The following FRMD4B variants were observed in gnomAD, a reference collection of about 807,000 sequenced individuals.
The protein encoded by FRMD4B is FERM domain-containing protein 4B.
In FRMD4B, 74 loss-of-function variants were observed where a neutral mutation model predicts 141.5. That is an observed-to-expected ratio of 0.52 (90% CI 0.43 to 0.63). The LOEUF (loss-of-function observed/expected upper bound fraction) is 0.63, where lower values mean the gene tolerates loss of function less well. FRMD4B is among the 30% of genes least tolerant of loss of function. The probability of loss-of-function intolerance (pLI) is 0.00; values close to 1 mark genes in which losing one functional copy is unlikely to be tolerated. For synonymous variants in FRMD4B, 506 were observed against 467.9 expected, an observed-to-expected ratio of 1.08 and a Z score of -1.05; for missense variants, 1,366 against 1,253.4, an observed-to-expected ratio of 1.09 and a Z score of -1.36.
Position 69,193,735 on chromosome 3 carries a change from T to C in FRMD4B, c.1627A>G (p.Lys543Glu). 1 of 1,613,844 alleles carries C rather than the reference T, an allele frequency of 6.2e-7. No homozygotes were observed. Among genetic ancestry groups the C allele is most frequent in the Non-Finnish European group, 8.5e-7 (1 of 1,179,708 alleles). ...GCATTTTCAATCTCCTGAAGCTTTT[T>C]CATCGCATCTGTGTAATCTTGCTTT... ...KRKQDYTDAM[K>E]KLQEIENAIN... The change falls in exon 17 of 23, where the codon AAA (lysine) becomes GAA (glutamate). Residue 543 changes from lysine to glutamate, a missense_variant. Physicochemically the swap from Lys to Glu is moderately conservative, Grantham distance 56. Coordinates refer to ENST00000398540, the MANE Select transcript of FRMD4B (RefSeq NM_015123.3).
At position 69,198,754 on chromosome 3, in the gene FRMD4B, C is replaced by T. The variant is rs1198511187; in HGVS notation, c.897G>A (p.Leu299=). The T allele has an allele frequency of 4.5e-6, 7 of 1,546,532 alleles. No homozygotes were observed. In the African/African-American group the frequency reaches 5.4e-5, roughly 12 times the overall value. Reference sequence around the variant, plus strand: ...TTTTCTCACGGAAATATAAGTTCTCCAGCTGTTTCCATTGGAATAACTAAA... The same window carrying T: ...TTTTCTCACGGAAATATAAGTTCTCTAGCTGTTTCCATTGGAATAACTAAA... The part of the protein sequence containing the change: ...KPRKLFQWKQ[L]ENLYFREKKF... The change falls in exon 12 of 23, where the codon CTG becomes CTA. Residue 299 remains leucine (L), a synonymous_variant. Transcript: ENST00000398540.
upstream of FRMD4B, chr3:69,386,142 G>A: frequency 1.5e-6 from 1 of 687,456 alleles, no homozygotes; most frequent in Non-Finnish European, 2.3e-6. Flanking sequence ...GTGCGTCCTG[G>A]CCAGGCTCCG....
intron 11 of FRMD4B, among the ~76,000 whole-genome samples, chr3:69,215,608 T>C (rs1274841340): frequency 2.0e-5 from 3 of 151,930 alleles, no homozygotes; most frequent in African/African-American, 4.8e-5. Context: ...CTTTCATAAA[T>C]AGCACACAAC....
chr3:69,400,386 GAA>G (rs71115692), intron 2 of FRMD4B, among the ~76,000 whole-genome samples: 1 of 149,856 alleles, frequency 6.7e-6, no homozygotes, highest in Non-Finnish European at 1.5e-5. Context: ...TGTCTCTCAA[GAA>G]AAAAAAAAAG....
intron 4 of FRMD4B, among the ~76,000 whole-genome samples, chr3:69,292,296 A>G (rs1035585949): frequency 1.3e-5 from 2 of 152,184 alleles, no homozygotes; most frequent in African/African-American, 2.4e-5. Flanking sequence ...TAAAGAATGC[A>G]TGAGTTCACC....
At chr3:69,235,657 T>G (rs2093341012) in intron 7 of FRMD4B, among the ~76,000 whole-genome samples, 1 of 149,706 alleles carries the variant, frequency 6.7e-6, no homozygotes, top group Non-Finnish European at 1.5e-5. Context: ...AGACTCCATA[T>G]CAAATTAAAA....
chr3:69,297,409 A>C (rs559588688), intron 4 of FRMD4B, among the ~76,000 whole-genome samples: 13 of 152,280 alleles, frequency 8.5e-5, no homozygotes, highest in African/African-American at 3.1e-4. Context: ...GGACACATGC[A>C]GTCCTAGGAC....
At chr3:69,471,650 A>C (rs1296339469) in intron 1 of FRMD4B, 1 of 175,790 alleles carries the variant, frequency 5.7e-6, no homozygotes, top group East Asian at 1.5e-4. Context: ...CTCTTTTCTA[A>C]GCTCTAAATG....
intron 5 of FRMD4B, among the ~76,000 whole-genome samples, chr3:69,256,688 A>G (rs1690449792): frequency 6.6e-6 from 1 of 152,050 alleles, no homozygotes. Flanking sequence ...GACCTCTACT[A>G]CCCTACAAGG....
chr3:69,302,998 C>T (rs1005670679), intron 3 of FRMD4B, among the ~76,000 whole-genome samples: 12 of 152,082 alleles, frequency 7.9e-5, no homozygotes, highest in South Asian at 2.1e-4. Flanking sequence ...CGCTTGAACC[C>T]GGGAGGCGGA....
chr3:69,499,422 G>A (rs1258360004), intron 1 of FRMD4B, among the ~76,000 whole-genome samples: 2 of 152,184 alleles, frequency 1.3e-5, no homozygotes, highest in Non-Finnish European at 2.9e-5. Flanking sequence ...TGTAGGAGAA[G>A]AGATACAGAG....
chr3:69,465,680 G>C (rs6549223), intron 1 of FRMD4B, among the ~76,000 whole-genome samples: 89,935 of 151,828 alleles, frequency 0.59, 27,781 homozygotes, highest in African/African-American at 0.77. Context: ...TGAGAATGAT[G>C]GTTTCCAGCT....
chr3:69,422,127 T>C (rs937205166), intron 2 of FRMD4B, among the ~76,000 whole-genome samples: 2 of 152,058 alleles, frequency 1.3e-5, no homozygotes, highest in South Asian at 2.1e-4. Context: ...TGGTGGCCCA[T>C]GCCTGTAATC....
upstream of FRMD4B, among the ~76,000 whole-genome samples, chr3:69,389,683 G>T (rs544037728): frequency 6.6e-6 from 1 of 152,144 alleles, no homozygotes; most frequent in African/African-American, 2.4e-5. Context: ...TTAGAGGGAA[G>T]GAAATACAAC....
chr3:69,229,790 C>A (rs1473686641), intron 7 of FRMD4B, among the ~76,000 whole-genome samples: 1 of 152,100 alleles, frequency 6.6e-6, no homozygotes, highest in Non-Finnish European at 1.5e-5. Context: ...TGGTCCTAAA[C>A]AAGGACCCGG....
In FRMD4B at chr3:69,170,925, T is replaced by C. The variant is rs189094331; in HGVS notation, c.*936A>G. 2.2e-4 allele frequency: 34 copies of C among 152,312 alleles called. No homozygotes were observed. The East Asian group carries it at 5.6e-3, about 25-fold the overall frequency. 9.4% of individuals were successfully genotyped at this position (152,312 alleles called of 1,614,324 possible). A position where few individuals can be genotyped will look rare whatever the true frequency, so the allele number is the denominator to read the frequency against. ...TTTAAGGCACGCAATTCATCTAAAA[T>C]GACGTGGCTTTTTTTTTCTGTTGTT... On this transcript the variant is annotated 3_prime_UTR_variant, in exon 23 of 23. Coordinates refer to ENST00000398540, the MANE Select transcript of FRMD4B (RefSeq NM_015123.3).
intron 1 of FRMD4B, among the ~76,000 whole-genome samples, chr3:69,451,210 G>A (rs953641659): frequency 7.2e-6 from 1 of 139,792 alleles, no homozygotes; most frequent in African/African-American, 2.7e-5. Flanking sequence ...AGTAAAGTAG[G>A]GATGGTTTTT....
intron 11 of FRMD4B, among the ~76,000 whole-genome samples, chr3:69,199,677 T>C (rs1055542587): frequency 2.6e-5 from 4 of 152,228 alleles, no homozygotes; most frequent in African/African-American, 9.6e-5. Flanking sequence ...CCTCCAGTTT[T>C]TGAACATAGC....
intron 11 of FRMD4B, among the ~76,000 whole-genome samples, chr3:69,213,718 A>G (rs1375075529): frequency 2.0e-5 from 3 of 149,206 alleles, no homozygotes; most frequent in Non-Finnish European, 4.4e-5. Context: ...GCCGGAGTGC[A>G]GTGGCATGAT....
Sources: gnomAD v4.1 joint callset for allele counts (sites outside exome capture counted in the v4.1 genomes callset) on GRCh38, gnomAD v4.1.1 for gene constraint, MANE v1.5 for transcripts, NCBI Gene and HGNC (gene_info 2026-07-23, HGNC 2026-07-21) for gene names.